KAZN: variants seen among roughly 807,000 people sequenced by gnomAD.
KAZN encodes kazrin, periplakin interacting protein.
KAZN carries 40 observed loss-of-function variants against 87.4 expected under a neutral mutation model. That is an observed-to-expected ratio of 0.46 (90% CI 0.36 to 0.60). The LOEUF is 0.60. Among genes scored for constraint, KAZN ranks in the 20% least tolerant of loss-of-function variants. The pLI is 0.00. For missense variants in KAZN, 898 were observed against 1,073.9 expected (o/e 0.84, Z 2.29); for synonymous variants, 466 against 458.3 (o/e 1.02, Z -0.22).
intron 1 of KAZN, among the ~76,000 whole-genome samples, chr1:13,979,073 G>A (rs1298060791): frequency 2.0e-5 from 3 of 151,518 alleles, no homozygotes; most frequent in African/African-American, 7.3e-5. Flanking sequence ...TCCAGCCTTG[G>A]TGACAGAGTG....
chr1:14,194,801 C>T (rs1646493013), intron 2 of KAZN, among the ~76,000 whole-genome samples: 1 of 152,102 alleles, frequency 6.6e-6, no homozygotes, highest in South Asian at 2.1e-4. Flanking sequence ...GGACATGAGC[C>T]ACCACTTTCT....
intron 1 of KAZN, among the ~76,000 whole-genome samples, chr1:14,608,820 A>G (rs1425928304): frequency 6.6e-6 from 1 of 152,204 alleles, no homozygotes; most frequent in African/African-American, 2.4e-5. Flanking sequence ...CAACAAATGA[A>G]TTCGTTCATT....
intron 1 of KAZN, among the ~76,000 whole-genome samples, chr1:14,064,382 C>T (rs551124046): frequency 3.2e-4 from 49 of 152,290 alleles, no homozygotes; most frequent in African/African-American, 1.1e-3. Flanking sequence ...CACGGTCAAC[C>T]GGTGTCTACC....
intron 1 of KAZN, among the ~76,000 whole-genome samples, chr1:13,976,633 C>T (rs1638371556): frequency 6.6e-6 from 1 of 151,878 alleles, no homozygotes; most frequent in East Asian, 1.9e-4. Context: ...CACTGGAACA[C>T]CTGTGGAAGT....
At chr1:14,482,706 G>T (rs1431427310) in intron 2 of KAZN, among the ~76,000 whole-genome samples, 1 of 152,132 alleles carries the variant, frequency 6.6e-6, no homozygotes, top group African/African-American at 2.4e-5. Flanking sequence ...CTGTGGTAGA[G>T]ATTCAGGAGA....
At chr1:14,837,169 T>G (rs528065987) in intron 1 of KAZN, among the ~76,000 whole-genome samples, 10 of 152,216 alleles carry the variant, frequency 6.6e-5, no homozygotes, top group African/African-American at 2.2e-4. Flanking sequence ...TCATTTATCA[T>G]TATGGTGCTA....
At chr1:14,633,865 G>A (rs575123355) in intron 1 of KAZN, among the ~76,000 whole-genome samples, 57 of 146,260 alleles carry the variant, frequency 3.9e-4, no homozygotes, top group African/African-American at 1.4e-3. Context: ...ATTTGCGCGC[G>A]CACTCTCTCT....
At chr1:14,848,860 C>A (rs953380231) in intron 1 of KAZN, among the ~76,000 whole-genome samples, 1 of 152,170 alleles carries the variant, frequency 6.6e-6, no homozygotes, top group Non-Finnish European at 1.5e-5. Context: ...TGTAGCGTAG[C>A]GTGTCCTGGG....
chr1:14,180,572 C>T (rs758916187), exon 2 of KAZN: 20 of 1,549,900 alleles, frequency 1.3e-5, no homozygotes, highest in Non-Finnish European at 1.7e-5. Context: ...ATTGATGAGG[C>T]ACCTCTTAAT....
intron 1 of KAZN, among the ~76,000 whole-genome samples, chr1:14,831,502 G>C (rs1647047952): frequency 6.6e-6 from 1 of 152,174 alleles, no homozygotes; most frequent in South Asian, 2.1e-4. Context: ...CACATAAAAT[G>C]AAGATGTGGG....
At chr1:15,088,597 A>C (rs1204638867) in intron 8 of KAZN, among the ~76,000 whole-genome samples, 1 of 152,132 alleles carries the variant, frequency 6.6e-6, no homozygotes, top group Non-Finnish European at 1.5e-5. Context: ...CTCTCTCAAG[A>C]CTGAGAAGGA....
At chr1:15,008,205 G>A (rs139750537) in intron 2 of KAZN, among the ~76,000 whole-genome samples, 10 of 152,176 alleles carry the variant, frequency 6.6e-5, no homozygotes, top group Non-Finnish European at 1.2e-4. Flanking sequence ...CCATCCAGAC[G>A]GCACCACCTC....
At chr1:14,531,051 T>G (rs1002290357) in intron 2 of KAZN, among the ~76,000 whole-genome samples, 2 of 152,158 alleles carry the variant, frequency 1.3e-5, no homozygotes, top group African/African-American at 2.4e-5. Flanking sequence ...CAAGCCTGGG[T>G]GACAGAGTGA....
rs1402564137 is a variant in KAZN, at chr1:14,599,663, A to G, written c.226+440A>G. Reference sequence around the variant, plus strand: ...CGGGCTCTGCCGCCGTGGTTGGGATAGAGGATTGCACTGCTGTGCACTTTT... The same window carrying G: ...CGGGCTCTGCCGCCGTGGTTGGGATGGAGGATTGCACTGCTGTGCACTTTT... On this transcript the variant is annotated intron_variant, in intron 1 of 14. Transcript: ENST00000376030. This position sits in a 1 kb window ranked among gnomAD's most constrained non-coding sequence, Gnocchi z 4.4. Among the ~76,000 whole-genome samples, 1 of 152,198 alleles carries G rather than the reference A, an allele frequency of 6.6e-6. No individual in the cohort carries two copies. Among genetic ancestry groups the G allele is most frequent in the African/African-American group, 2.4e-5 (1 of 41,458 alleles).
rs942428952 is a variant in KAZN at position 14,184,658 on chromosome 1, G to A, written c.249+4066G>A. Among the ~76,000 whole-genome samples, 1 of 152,122 alleles carries A rather than the reference G, an allele frequency of 6.6e-6. No homozygotes were observed. The highest frequency in any genetic ancestry group is 1.5e-5 in the Non-Finnish European group (1 of 68,020). Reference sequence around the variant, plus strand: ...CTAGCAAACTCTTCTAGATGATTGTGCTTTCCAATTGGTTTCTGGCAAAAC... The same window carrying A: ...CTAGCAAACTCTTCTAGATGATTGTACTTTCCAATTGGTTTCTGGCAAAAC... On this transcript the variant is annotated intron_variant, in intron 2 of 16. Coordinates refer to the KAZN transcript ENST00000636203. The surrounding 1 kb of genome is among the most constrained non-coding windows in gnomAD (Gnocchi z 4.2).
rs1650103474 is a variant in KAZN at position 14,856,366 on chromosome 1, A to G, written c.227-104318A>G. ...ACCAACCCTAGAGGTTTCTTTAAAG[A>G]CAAGTGAAGATTCAATGCTAAGGAA... On this transcript the variant is annotated intron_variant, in intron 1 of 14. Transcript: ENST00000376030. The surrounding 1 kb of genome is among the most constrained non-coding windows in gnomAD (Gnocchi z 5.2). 6.6e-6 allele frequency among the ~76,000 whole-genome samples: 1 copy of G among 152,226 alleles called. No homozygotes were observed. The highest frequency in any genetic ancestry group is 1.9e-4 in the East Asian group (1 of 5,200).
At chr1:15,045,237 G>GT (rs1673353843) in intron 4 of KAZN, among the ~76,000 whole-genome samples, 2 of 152,194 alleles carry the variant, frequency 1.3e-5, no homozygotes, top group South Asian at 2.1e-4. Context: ...GGGGGAGGAC[G>GT]TAAGTCTTAG....
At chr1:14,764,191 G>A (rs960473213) in intron 1 of KAZN, among the ~76,000 whole-genome samples, 2 of 152,074 alleles carry the variant, frequency 1.3e-5, no homozygotes, top group Non-Finnish European at 2.9e-5. Flanking sequence ...CACATTCCCG[G>A]GGCACTGAGG....
chr1:14,728,705 T>C (rs578125870), intron 1 of KAZN, among the ~76,000 whole-genome samples: 5 of 152,300 alleles, frequency 3.3e-5, no homozygotes, highest in Admixed American at 3.3e-4. Context: ...GATACACCCA[T>C]GAGGACAGCA....
Sources: allele counts gnomAD v4.1 joint callset (sites outside exome capture counted in the v4.1 genomes callset), GRCh38; gene constraint gnomAD v4.1.1; non-coding constraint Gnocchi (gnomAD v3.1); transcripts MANE v1.5; gene names NCBI Gene and HGNC (gene_info 2026-07-23, HGNC 2026-07-21).